The following GAS7 variants were observed in gnomAD, a reference collection of about 807,000 sequenced individuals.
The protein encoded by GAS7 is growth arrest specific 7, also known as growth arrest-specific protein 7.
GAS7 carries 28 observed loss-of-function variants against 71.1 expected under a neutral mutation model. The ratio of observed to expected loss-of-function variants is 0.39; its 90% CI spans 0.29 to 0.54. The LOEUF (loss-of-function observed/expected upper bound fraction) is 0.54. Ranked by LOEUF, GAS7 falls within the 20% of genes least tolerant of loss-of-function variation. The pLI, the probability that GAS7 is intolerant of heterozygous loss-of-function variation, is 0.62. For missense variants in GAS7, 436 were observed against 627.8 expected (o/e 0.69, Z 3.27); for synonymous variants, 258 against 245.8 (o/e 1.05, Z -0.46).
At chr17:10,182,123 C>T (rs376526079) in intron 1 of GAS7, among the ~76,000 whole-genome samples, 4 of 152,304 alleles carry the variant, frequency 2.6e-5, no homozygotes, top group African/African-American at 2.4e-5. Context: ...GTCAAGCAGC[C>T]CATACTGCTA....
chr17:10,089,276 T>C (rs2073555011), intron 1 of GAS7, among the ~76,000 whole-genome samples: 1 of 151,732 alleles, frequency 6.6e-6, no homozygotes, highest in African/African-American at 2.4e-5. Context: ...AAAATAACAG[T>C]AGAAAAAAAG....
chr17:9,980,736 T>A (rs1045289413), intron 3 of GAS7, among the ~76,000 whole-genome samples: 3 of 152,124 alleles, frequency 2.0e-5, no homozygotes, highest in Non-Finnish European at 4.4e-5. Flanking sequence ...GAGCTTACAG[T>A]CTAGCATGGG....
rs571849047 is a variant in GAS7, at chr17:10,034,954, C to T, written c.184-15057G>A. 1.6e-4 allele frequency among the ~76,000 whole-genome samples: 25 copies of T among 152,270 alleles called. No individual in the cohort carries two copies. The highest frequency in any genetic ancestry group is 6.2e-4 in the South Asian group (3 of 4,820). The stretch of plus-strand genomic sequence containing the variant: ...TGCATCACCCTGGATGCACCAAAGG[C>T]GGGTTCCAGTGGAATTTTTCTGGGC... On this transcript the variant is annotated intron_variant, in intron 1 of 13. Coordinates refer to ENST00000432992, the MANE Select transcript of GAS7 (RefSeq NM_201433.2). This position sits in a 1 kb window ranked among gnomAD's most constrained non-coding sequence, Gnocchi z 4.4.
intron 1 of GAS7, among the ~76,000 whole-genome samples, chr17:10,069,293 C>G (rs554681893): frequency 3.9e-5 from 6 of 152,312 alleles, no homozygotes; most frequent in Admixed American, 2.0e-4. Context: ...TCTGCCCATC[C>G]AGTGGCAGAA....
At chr17:10,096,275 AT>A (rs1281755523) in intron 1 of GAS7, among the ~76,000 whole-genome samples, 4 of 152,174 alleles carry the variant, frequency 2.6e-5, no homozygotes, top group Non-Finnish European at 5.9e-5. Context: ...AGACTTTTCA[AT>A]TTATCAAATT....
intron 1 of GAS7, among the ~76,000 whole-genome samples, chr17:10,052,101 A>C (rs1436160923): frequency 1.3e-5 from 2 of 152,004 alleles, no homozygotes; most frequent in Non-Finnish European, 2.9e-5. Flanking sequence ...CTCACCCCAC[A>C]CTGTCCCCCG....
At chr17:9,934,024 C>G in intron 9 of GAS7, 142 bp downstream of exon 9, 1 of 671,176 alleles carries the variant, frequency 1.5e-6, no homozygotes, top group Non-Finnish European at 2.7e-6. Context: ...CTTCCCAACT[C>G]CGTATTCCGT....
At chr17:9,952,121 C>T (rs1239719822) in intron 5 of GAS7, among the ~76,000 whole-genome samples, 1 of 152,208 alleles carries the variant, frequency 6.6e-6, no homozygotes, top group Non-Finnish European at 1.5e-5. Flanking sequence ...ATGAACATGC[C>T]TCAGAGTCAC....
intron 1 of GAS7, among the ~76,000 whole-genome samples, chr17:10,136,994 G>A (rs1268677755): frequency 2.6e-5 from 4 of 152,064 alleles, no homozygotes; most frequent in Admixed American, 2.0e-4. Context: ...CACACCTGTA[G>A]TCCCAGCTAC....
chr17:9,928,115 A>AT (rs540014843), intron 9 of GAS7, among the ~76,000 whole-genome samples: 6 of 144,576 alleles, frequency 4.2e-5, no homozygotes, highest in African/African-American at 1.4e-4. Flanking sequence ...TTTTTTATTT[A>AT]TTTATTTATT....
chr17:9,935,084 G>A (rs543581241), intron 8 of GAS7, among the ~76,000 whole-genome samples: 10 of 152,298 alleles, frequency 6.6e-5, no homozygotes, highest in African/African-American at 2.2e-4. Context: ...ATCACACAGC[G>A]CTGCTTATAG....
chr17:10,015,472 C>T (rs1027504082), intron 2 of GAS7, among the ~76,000 whole-genome samples: 4 of 152,142 alleles, frequency 2.6e-5, no homozygotes, highest in African/African-American at 9.7e-5. Context: ...AGGGGCCAGG[C>T]AGAAAGGCAG....
chr17:10,052,866 C>A (rs2073081458), intron 1 of GAS7, among the ~76,000 whole-genome samples: 1 of 152,214 alleles, frequency 6.6e-6, no homozygotes. Context: ...ACCTCACCCC[C>A]ACAGCGGCTC....
At chr17:10,194,906 G>A (rs186249549) in intron 1 of GAS7, among the ~76,000 whole-genome samples, 6 of 148,348 alleles carry the variant, frequency 4.0e-5, no homozygotes, top group South Asian at 4.3e-4. Context: ...CCTGTCCCTC[G>A]TCATAGCAGA....
chr17:10,141,249 A>G (rs1310450730), intron 1 of GAS7, among the ~76,000 whole-genome samples: 1 of 152,230 alleles, frequency 6.6e-6, no homozygotes. Flanking sequence ...GGAGATTGAG[A>G]CCATCCTGGC....
chr17:10,077,690 G>C (rs1216099898), intron 1 of GAS7, among the ~76,000 whole-genome samples: 1 of 152,204 alleles, frequency 6.6e-6, no homozygotes, highest in East Asian at 1.9e-4. Flanking sequence ...GACACCTAGA[G>C]GACAGGTAAC....
At chr17:9,930,008 GAAGTTCC>G (rs2068152563) in intron 9 of GAS7, among the ~76,000 whole-genome samples, 1 of 152,170 alleles carries the variant, frequency 6.6e-6, no homozygotes, top group African/African-American at 2.4e-5. Flanking sequence ...GAGAATAAGA[GAAGTTCC>G]AAGTTGGTAG....
In GAS7 at chr17:9,959,378, G is replaced by T. The variant is rs926544259; in HGVS notation, c.472-123C>A. 3.3e-6 allele frequency: 5 copies of T among 1,537,000 alleles called. No individual in the cohort carries two copies. The highest frequency in any genetic ancestry group is 2.6e-6 in the Non-Finnish European group (3 of 1,138,220). Reference sequence around the variant, plus strand: ...CAGGGATGCTCAGTCTGAATCCTAAGTCACCATATTCTGGGCCAGGGCAAG... The same window carrying T: ...CAGGGATGCTCAGTCTGAATCCTAATTCACCATATTCTGGGCCAGGGCAAG... On this transcript the variant is annotated intron_variant, in intron 4 of 13. Transcript: ENST00000432992. The surrounding 1 kb of genome is among the most constrained non-coding windows in gnomAD (Gnocchi z 5.0).
At chr17:9,973,346 C>T (rs549137860) in intron 3 of GAS7, among the ~76,000 whole-genome samples, 101 of 151,936 alleles carry the variant, frequency 6.6e-4, no homozygotes, top group Non-Finnish European at 1.1e-3. Context: ...CTCCGCCTCC[C>T]GGGTTCAAGT....
Sources: allele counts gnomAD v4.1 joint callset (sites outside exome capture counted in the v4.1 genomes callset), GRCh38; gene constraint gnomAD v4.1.1; non-coding constraint Gnocchi (gnomAD v3.1); transcripts MANE v1.5; gene names NCBI Gene and HGNC (gene_info 2026-07-23, HGNC 2026-07-21).